Variants in CBX5 observed in about 807,000 individuals in gnomAD.
CBX5 encodes the protein chromobox 5.
Under a neutral mutation model 20.7 loss-of-function variants are expected in CBX5, and 7 were observed. The observed-to-expected ratio is 0.34, with a 90% CI of 0.19 to 0.63. The LOEUF is 0.63. Ranked by LOEUF, CBX5 falls within the 30% of genes least tolerant of loss-of-function variation. CBX5 has a pLI of 0.75. For missense variants in CBX5, 110 were observed against 224.1 expected (o/e 0.49, Z 3.25); for synonymous variants, 78 against 77.0 (o/e 1.01, Z -0.07).
At chr12:54,270,902 AG>A (rs1460804887) in intron 1 of CBX5, among the ~76,000 whole-genome samples, 2 of 152,178 alleles carry the variant, frequency 1.3e-5, no homozygotes, top group Non-Finnish European at 2.9e-5. Flanking sequence ...AAAAGAAAAA[AG>A]GGTGGGTGGC....
chr12:54,252,317 C>A, intron 2 of CBX5, 90 bp from the exon 3 acceptor site: 1 of 860,036 alleles, frequency 1.2e-6, no homozygotes. Context: ...AGAGGACATT[C>A]GGACAAAAAG....
chr12:54,241,716 A>G lies in CBX5; in HGVS notation c.*39T>C, dbSNP rs769464686. On this transcript the variant is annotated 3_prime_UTR_variant, in exon 5 of 5. Transcript: ENST00000209875. ...GGAGAGGAGGCAGGGAGGTGAATGTATTATGTACAAAGAGAAATGACAGAG... is the reference window on the plus strand; with the variant it reads ...GGAGAGGAGGCAGGGAGGTGAATGTGTTATGTACAAAGAGAAATGACAGAG... 3.8e-6 allele frequency: 6 copies of G among 1,587,616 alleles called. No individual in the cohort carries two copies. Among genetic ancestry groups the G allele is most frequent in the Non-Finnish European group, 5.1e-6 (6 of 1,167,944 alleles).
At chr12:54,278,330 A>G (rs530289002) in intron 1 of CBX5, among the ~76,000 whole-genome samples, 5 of 152,198 alleles carry the variant, frequency 3.3e-5, no homozygotes, top group South Asian at 4.1e-4. Context: ...GATACCCTTA[A>G]CCAGTATCAC....
rs1943575636 is a variant in CBX5, at chr12:54,232,258, A to G, written c.*9497T>C. On this transcript the variant is annotated 3_prime_UTR_variant, in exon 5 of 5. Transcript: ENST00000209875. ...TGAAAACACTGTCAACATCTGAACTAGCAGCTTTGATGAGGGGTGGGGGGC... is the reference window on the plus strand; with the variant it reads ...TGAAAACACTGTCAACATCTGAACTGGCAGCTTTGATGAGGGGTGGGGGGC... The G allele has an allele frequency of 6.6e-6, 1 of 151,814 alleles. No individual in the cohort carries two copies. Among genetic ancestry groups the G allele is most frequent in the African/African-American group, 2.4e-5 (1 of 41,262 alleles). 9.4% of individuals were successfully genotyped at this position (151,814 alleles called of 1,614,324 possible).
chr12:54,241,850 G>A lies in CBX5; in HGVS notation c.481C>T (p.Pro161Ser). 1 of 1,613,890 alleles carries A rather than the reference G, an allele frequency of 6.2e-7. No individual in the cohort carries two copies. The highest frequency in any genetic ancestry group is 8.5e-7 in the Non-Finnish European group (1 of 1,179,954). ...VLAKEANVKC[P>S]QIVIAFYEER... ...TCATAAAATGCTATCACAATTTGTG[G>A]ACATTTCACATTAGCTTCTTTTGCA... The change falls in exon 5 of 5, where the codon CCA (proline) becomes TCA (serine). Residue 161 changes from proline to serine, a missense_variant. Coordinates refer to ENST00000209875, the MANE Select transcript of CBX5 (RefSeq NM_012117.3).
intron 3 of CBX5, among the ~76,000 whole-genome samples, chr12:54,251,144 A>C (rs1388134364): frequency 6.6e-6 from 1 of 151,046 alleles, no homozygotes; most frequent in African/African-American, 2.4e-5. Flanking sequence ...AAAAAAAGAA[A>C]AAAGGAAGTG....
intron 1 of CBX5, chr12:54,257,965 T>C: frequency 4.0e-6 from 1 of 247,180 alleles, no homozygotes; most frequent in Non-Finnish European, 7.7e-6. Context: ...AGACAAGTAG[T>C]GTGGTATGTT....
chr12:54,246,392 T>C (rs915679186), intron 3 of CBX5, among the ~76,000 whole-genome samples, 177 bp from the exon 4 acceptor site: 1 of 152,156 alleles, frequency 6.6e-6, no homozygotes, highest in African/African-American at 2.4e-5. Context: ...GAAGTGACAG[T>C]GATGTCAAGA....
chr12:54,264,037 C>T (rs542400370), intron 1 of CBX5, among the ~76,000 whole-genome samples: 2 of 152,242 alleles, frequency 1.3e-5, no homozygotes, highest in East Asian at 1.9e-4. Flanking sequence ...CGTGAGACTC[C>T]GTCTCAAATA....
chr12:54,274,702 G>A (rs1303037811), intron 1 of CBX5, among the ~76,000 whole-genome samples: 3 of 152,150 alleles, frequency 2.0e-5, no homozygotes, highest in African/African-American at 7.2e-5. Flanking sequence ...CACTTTGGGA[G>A]GCCGAGGCGG....
chr12:54,267,665 C>T (rs989625869), intron 1 of CBX5, among the ~76,000 whole-genome samples: 9 of 152,128 alleles, frequency 5.9e-5, no homozygotes, highest in South Asian at 2.1e-4. Flanking sequence ...GCGCCCGCCA[C>T]CACGCCCGGC....
At chr12:54,256,998 G>A (rs1367190225) in intron 2 of CBX5, among the ~76,000 whole-genome samples, 1 of 152,050 alleles carries the variant, frequency 6.6e-6, no homozygotes, top group Non-Finnish European at 1.5e-5. Context: ...GGAGTAGCTG[G>A]GATTACAGGG....
intron 2 of CBX5, 36 bp from the exon 3 acceptor site, chr12:54,252,263 G>C (rs758199922): frequency 2.0e-5 from 30 of 1,471,432 alleles, no homozygotes; most frequent in African/African-American, 7.3e-5. Flanking sequence ...AAAAAAAAAG[G>C]GGGGGGTAAA....
chr12:54,247,613 G>A (rs1212580226), intron 3 of CBX5, among the ~76,000 whole-genome samples: 1 of 152,122 alleles, frequency 6.6e-6, no homozygotes, highest in Non-Finnish European at 1.5e-5. Flanking sequence ...TAGACAAGGA[G>A]CACAGGTTCA....
At chr12:54,252,535 G>A (rs1943816776) in intron 2 of CBX5, 8 of 259,956 alleles carry the variant, frequency 3.1e-5, no homozygotes, top group African/African-American at 4.5e-5. Context: ...TCCATACAAA[G>A]GAATATTATC....
At position 54,237,831 on chromosome 12, in the gene CBX5, A is replaced by T. The variant is rs1943638486; in HGVS notation, c.*3924T>A. ...AGAGGGCAACTGGAATTTAAAAAAA[A>T]TTGTATTACTGAAAGTGCTCCATGA... On this transcript the variant is annotated 3_prime_UTR_variant, in exon 5 of 5. Transcript: ENST00000209875. 1 of 152,324 alleles carries T rather than the reference A, an allele frequency of 6.6e-6. No homozygotes were observed. The highest frequency in any genetic ancestry group is 2.1e-4 in the South Asian group (1 of 4,836). The allele number at this position is 152,324 out of a possible 1,614,324, so 9.4% of individuals were successfully genotyped here. A position where few individuals can be genotyped will look rare whatever the true frequency, so the allele number is the denominator to read the frequency against.
rs188116029 is a variant in CBX5, at chr12:54,236,808, C to T, written c.*4947G>A. 7 of 152,184 alleles carry T rather than the reference C, an allele frequency of 4.6e-5. No homozygotes were observed. The highest frequency in any genetic ancestry group is 1.9e-4 in the East Asian group (1 of 5,188). The allele number at this position is 152,184 out of a possible 1,614,324, so 9.4% of individuals were successfully genotyped here. A position where few individuals can be genotyped will look rare whatever the true frequency, so the allele number is the denominator to read the frequency against. ...CCTTAAGGTAGAGACAATTGCTCCC[C>T]GGGCCAAACACAGATCCCTCCAACC... is the stretch of plus-strand genomic sequence containing the variant. On this transcript the variant is annotated 3_prime_UTR_variant, in exon 5 of 5. Transcript: ENST00000209875.
At chr12:54,252,751 G>A (rs770688303) in intron 2 of CBX5, among the ~76,000 whole-genome samples, 21 of 151,876 alleles carry the variant, frequency 1.4e-4, no homozygotes, top group African/African-American at 2.9e-4. Flanking sequence ...CTGGGAGGCC[G>A]AGGCAGGCAG....
chr12:54,276,169 TA>T (rs949840562), intron 1 of CBX5, among the ~76,000 whole-genome samples: 1 of 151,988 alleles, frequency 6.6e-6, no homozygotes, highest in African/African-American at 2.4e-5. Flanking sequence ...AACACATGAG[TA>T]AAAACACCAA....
Sources: gnomAD v4.1 joint callset for allele counts (sites outside exome capture counted in the v4.1 genomes callset) on GRCh38, gnomAD v4.1.1 for gene constraint, MANE v1.5 for transcripts, NCBI Gene and HGNC (gene_info 2026-07-23, HGNC 2026-07-21) for gene names.